Variants in SYNRG observed in about 807,000 individuals in gnomAD.
The protein encoded by SYNRG is AP1 gamma subunit binding protein 1.
Under a neutral mutation model 130.9 loss-of-function variants are expected in SYNRG, and 37 were observed. The ratio of observed to expected loss-of-function variants is 0.28; its 90% CI spans 0.22 to 0.37. SYNRG has a LOEUF of 0.37. SYNRG is among the 10% of genes least tolerant of loss of function. The pLI is 1.00. For synonymous variants in SYNRG, 539 were observed against 568.1 expected, an observed-to-expected ratio of 0.95 and a Z score of 0.73; for missense variants, 1,338 against 1,588.9, an observed-to-expected ratio of 0.84 and a Z score of 2.68.
chr17:37,606,245 T>A (rs1446608121), intron 1 of SYNRG, among the ~76,000 whole-genome samples: 2 of 152,186 alleles, frequency 1.3e-5, no homozygotes, highest in African/African-American at 4.8e-5. Context: ...TCTGTGACGA[T>A]CTCTTGACCG....
intron 1 of SYNRG, among the ~76,000 whole-genome samples, chr17:37,604,454 C>G (rs1360220413): frequency 6.6e-6 from 1 of 152,176 alleles, no homozygotes; most frequent in South Asian, 2.1e-4. Context: ...ATTTCTCAGC[C>G]TTCAGCCTTT....
intron 1 of SYNRG, 94 bp from the exon 2 acceptor site, chr17:37,600,497 T>C (rs763241605): frequency 2.2e-5 from 27 of 1,208,628 alleles, no homozygotes; most frequent in Non-Finnish European, 3.1e-5. Flanking sequence ...GACTTGTAGA[T>C]GGGACCTGGT....
At chr17:37,528,825 C>T (rs1008364429) in intron 19 of SYNRG, among the ~76,000 whole-genome samples, 35 of 152,194 alleles carry the variant, frequency 2.3e-4, no homozygotes, top group African/African-American at 8.2e-4. Flanking sequence ...TAGTGGGCAA[C>T]TCAAGTTTCA....
chr17:37,575,245 A>G (rs1192422904), intron 8 of SYNRG, among the ~76,000 whole-genome samples: 1 of 152,168 alleles, frequency 6.6e-6, no homozygotes, highest in African/African-American at 2.4e-5. Context: ...TGATAGCACT[A>G]CAAGGTAGCT....
At chr17:37,594,356 T>C (rs2062545355) in intron 3 of SYNRG, among the ~76,000 whole-genome samples, 1 of 142,188 alleles carries the variant, frequency 7.0e-6, no homozygotes, top group Admixed American at 7.1e-5. Context: ...ATTTAAAATT[T>C]GTATCAATTG....
intron 11 of SYNRG, among the ~76,000 whole-genome samples, chr17:37,563,783 G>A (rs980309122): frequency 1.3e-5 from 2 of 151,452 alleles, no homozygotes; most frequent in East Asian, 3.9e-4. Flanking sequence ...TGATCTGTCC[G>A]CCTTGGCCTC....
At chr17:37,537,513 C>T (rs1415066285) in intron 18 of SYNRG, 1 of 152,284 alleles carries the variant, frequency 6.6e-6, no homozygotes, top group East Asian at 1.9e-4. Context: ...ACCTGTGGTT[C>T]CAGCTACTTG....
chr17:37,530,311 T>C (rs2056489896), intron 19 of SYNRG, among the ~76,000 whole-genome samples: 1 of 152,168 alleles, frequency 6.6e-6, no homozygotes, highest in Non-Finnish European at 1.5e-5. Flanking sequence ...ACTCCTATGA[T>C]GATATTCAGG....
At position 37,536,122 on chromosome 17, in the gene SYNRG, C is replaced by A. The variant is rs1365219302; in HGVS notation, c.3523G>T (p.Val1175Phe). The A allele has an allele frequency of 6.2e-7, 1 of 1,610,052 alleles. No homozygotes were observed. Among genetic ancestry groups the A allele is most frequent in the African/African-American group, 1.3e-5 (1 of 74,922 alleles). Reference protein sequence around the residue: ...AQGMEYLLGVVEVYRVTKRVE... With the variant: ...AQGMEYLLGVFEVYRVTKRVE... ...CGCTTGGTTACCCTGTACACTTCAA[C>A]AACACCTGACGGGATGAGAGAGCAG... Residue 1175 changes from valine to phenylalanine, a missense_variant, in exon 19 of 22, where the codon GTT becomes TTT. This residue lies in a region of SYNRG where 1,146 missense variants were observed against 1,342.3 expected (regional missense o/e 0.85). Coordinates refer to ENST00000612223, the MANE Select transcript of SYNRG (RefSeq NM_007247.6).
At chr17:37,594,485 T>C (rs1353904245) in intron 3 of SYNRG, among the ~76,000 whole-genome samples, 2 of 144,220 alleles carry the variant, frequency 1.4e-5, no homozygotes, top group African/African-American at 5.1e-5. Context: ...TTTTTTGAGA[T>C]GGAATCTCAC....
Position 37,606,298 on chromosome 17 carries a change from T to C in SYNRG, c.77+2981A>G, listed in dbSNP as rs532824924. Among the ~76,000 whole-genome samples the C allele has an allele frequency of 1.3e-3, 205 of 152,372 alleles. 1 individual carries two copies. Among genetic ancestry groups the C allele is most frequent in the South Asian group, 2.7e-3 (13 of 4,832 alleles). On this transcript the variant is annotated intron_variant, in intron 1 of 21. Transcript: ENST00000612223. ...TCTGTGGGCCAAATGAAATACCACTTCTTTGCCTTTGATATAGCTGAAATC... is the reference window on the plus strand; with the variant it reads ...TCTGTGGGCCAAATGAAATACCACTCCTTTGCCTTTGATATAGCTGAAATC...
chr17:37,553,977 T>C lies in SYNRG; in HGVS notation c.1746A>G (p.Leu582=), dbSNP rs775550334. 3 of 1,611,556 alleles carry C rather than the reference T, an allele frequency of 1.9e-6. No homozygotes were observed. The highest frequency in any genetic ancestry group is 1.7e-6 in the Non-Finnish European group (2 of 1,179,502). The change falls in exon 14 of 22, where the codon CTA becomes CTG. Residue 582 remains leucine, a synonymous_variant. Transcript: ENST00000612223. ...AAGTTTTGTCTTTTGTTGGTGGCTC[T>C]AGTGGTGATACACTATCGGCTGTTT... is the stretch of plus-strand genomic sequence containing the variant. ...DFKTADSVSP[L]EPPTKDKTFP...
intron 19 of SYNRG, among the ~76,000 whole-genome samples, chr17:37,528,402 T>C (rs2056212308): frequency 6.6e-6 from 1 of 152,296 alleles, no homozygotes. Flanking sequence ...GTAAAGCATA[T>C]AGCACAAGGA....
chr17:37,599,324 C>T (rs545538849), intron 2 of SYNRG, among the ~76,000 whole-genome samples: 1 of 152,190 alleles, frequency 6.6e-6, no homozygotes, highest in Non-Finnish European at 1.5e-5. Context: ...AAATTATATT[C>T]CTTCACTACT....
chr17:37,585,741 C>T (rs2061646516), intron 4 of SYNRG, among the ~76,000 whole-genome samples: 1 of 152,094 alleles, frequency 6.6e-6, no homozygotes. Context: ...AACATAAGAA[C>T]ACACTTTGCT....
intron 1 of SYNRG, among the ~76,000 whole-genome samples, chr17:37,602,782 G>A (rs2063405055): frequency 6.6e-6 from 1 of 152,216 alleles, no homozygotes; most frequent in African/African-American, 2.4e-5. Context: ...CCAGCACTTT[G>A]GGAGGCCAAG....
intron 13 of SYNRG, chr17:37,557,310 C>T (rs1363919511): frequency 6.6e-6 from 1 of 152,168 alleles, no homozygotes; most frequent in African/African-American, 2.4e-5. Flanking sequence ...CATTATTAAA[C>T]TCTGTCATTC....
At chr17:37,523,436 A>G (rs1015319173) in intron 19 of SYNRG, among the ~76,000 whole-genome samples, 4 of 152,258 alleles carry the variant, frequency 2.6e-5, no homozygotes, top group African/African-American at 9.6e-5. Flanking sequence ...TTGGAATTAG[A>G]GGCATGAGCC....
chr17:37,541,246 C>T, intron 15 of SYNRG: 1 of 985,422 alleles, frequency 1.0e-6, no homozygotes, highest in Non-Finnish European at 1.2e-6. Context: ...CAGTTGAAAT[C>T]AACGACCCCT....
Sources: gnomAD v4.1 joint callset for allele counts (sites outside exome capture counted in the v4.1 genomes callset) on GRCh38, gnomAD v4.1.1 for gene constraint, gnomAD v4.1.1 regional missense constraint, MANE v1.5 for transcripts, NCBI Gene and HGNC (gene_info 2026-07-23, HGNC 2026-07-21) for gene names.